The following TAOK3 variants were observed in gnomAD, a reference collection of about 807,000 sequenced individuals.
TAOK3 encodes the protein TAO kinase 3, also known as serine/threonine-protein kinase TAO3.
TAOK3 carries 40 observed loss-of-function variants against 120.4 expected under a neutral mutation model. The observed-to-expected ratio is 0.33, with a 90% CI of 0.26 to 0.43. The LOEUF is 0.43. Ranked by LOEUF, TAOK3 falls within the 20% of genes least tolerant of loss-of-function variation. The pLI is 1.00. For missense variants in TAOK3, 821 were observed against 1,112.1 expected, an observed-to-expected ratio of 0.74 and a Z score of 3.72; for synonymous variants, 355 against 387.5, an observed-to-expected ratio of 0.92 and a Z score of 0.99.
At chr12:118,280,201 C>T (rs1202116049) in intron 1 of TAOK3, among the ~76,000 whole-genome samples, 1 of 152,026 alleles carries the variant, frequency 6.6e-6, no homozygotes, top group Non-Finnish European at 1.5e-5. Context: ...GCTGGGACTA[C>T]AGGCGTGCGC....
At chr12:118,221,387 C>A (rs905260139) in intron 9 of TAOK3, among the ~76,000 whole-genome samples, 2 of 152,032 alleles carry the variant, frequency 1.3e-5, no homozygotes, top group Non-Finnish European at 2.9e-5. Flanking sequence ...CTGTGCCCAG[C>A]TAATTTTTGT....
At chr12:118,305,904 C>CA (rs71450271) in intron 1 of TAOK3, among the ~76,000 whole-genome samples, 3,045 of 56,836 alleles carry the variant, frequency 0.054, 62 homozygotes, top group Middle Eastern at 0.15. Context: ...GACTCCGTCT[C>CA]AAAAAAAAAA....
At chr12:118,320,044 G>A (rs549721159) in intron 1 of TAOK3, among the ~76,000 whole-genome samples, 1 of 152,306 alleles carries the variant, frequency 6.6e-6, no homozygotes, top group Admixed American at 6.5e-5. Context: ...AGTACTGATA[G>A]ATGTTACAGC....
chr12:118,349,834 T>C (rs1313753718), intron 1 of TAOK3, among the ~76,000 whole-genome samples: 2 of 152,176 alleles, frequency 1.3e-5, no homozygotes, highest in Non-Finnish European at 2.9e-5. Flanking sequence ...ATTTGTGGTA[T>C]AAAGGAAAAG....
At chr12:118,307,710 AT>A (rs2140800386) in intron 1 of TAOK3, among the ~76,000 whole-genome samples, 1 of 152,326 alleles carries the variant, frequency 6.6e-6, no homozygotes, top group South Asian at 2.1e-4. Context: ...GGTATCCTCT[AT>A]GAACTGTTAA....
intron 1 of TAOK3, among the ~76,000 whole-genome samples, chr12:118,313,132 G>C (rs2043321719): frequency 6.6e-6 from 1 of 152,052 alleles, no homozygotes; most frequent in Admixed American, 6.6e-5. Flanking sequence ...CATATATAAA[G>C]AGACAGCTAT....
At chr12:118,192,779 CTTAAGA>C (rs924479109) in intron 13 of TAOK3, among the ~76,000 whole-genome samples, 7 of 152,128 alleles carry the variant, frequency 4.6e-5, no homozygotes, top group Non-Finnish European at 7.3e-5. Flanking sequence ...CTGCACACAT[CTTAAGA>C]TTAACAATGG....
chr12:118,172,252 A>G (rs909198216), intron 17 of TAOK3, among the ~76,000 whole-genome samples: 1 of 152,148 alleles, frequency 6.6e-6, no homozygotes, highest in African/African-American at 2.4e-5. Flanking sequence ...GATGGAGTTG[A>G]TTCCTTGTTC....
intron 20 of TAOK3, among the ~76,000 whole-genome samples, chr12:118,151,929 T>G (rs1314432083): frequency 3.9e-5 from 6 of 152,188 alleles, no homozygotes; most frequent in Admixed American, 3.3e-4. Context: ...CACAGTACCT[T>G]TCAGGTGTCA....
At chr12:118,217,985 G>A (rs936248845) in intron 9 of TAOK3, among the ~76,000 whole-genome samples, 32 of 148,104 alleles carry the variant, frequency 2.2e-4, no homozygotes, top group African/African-American at 7.2e-4. Context: ...TCAGCCTCCC[G>A]AGTAGCTGGG....
At chr12:118,179,219 G>C (rs947813873) in intron 15 of TAOK3, among the ~76,000 whole-genome samples, 5 of 152,142 alleles carry the variant, frequency 3.3e-5, no homozygotes, top group Admixed American at 2.6e-4. Flanking sequence ...GAGAGACCAA[G>C]AGAGACAGAG....
chr12:118,285,852 C>T (rs1343140184), intron 1 of TAOK3, among the ~76,000 whole-genome samples: 1 of 152,108 alleles, frequency 6.6e-6, no homozygotes, highest in African/African-American at 2.4e-5. Flanking sequence ...AGAAATGAGA[C>T]ATCAATCAAC....
rs575277439 is a variant in TAOK3 at position 118,300,932 on chromosome 12, C to T, written c.-193-34173G>A. 3.5e-4 allele frequency among the ~76,000 whole-genome samples: 53 copies of T among 152,164 alleles called. 1 individual carries two copies. The South Asian group carries it at 7.1e-3, about 20-fold the overall frequency. Reference sequence around the variant, plus strand: ...CTGGGACTATAGGCATGTGCCACCACGCCCGGCTAATTTTTGTATTTTTAG... The same window carrying T: ...CTGGGACTATAGGCATGTGCCACCATGCCCGGCTAATTTTTGTATTTTTAG... On this transcript the variant is annotated intron_variant, in intron 1 of 20. Coordinates refer to ENST00000392533, the MANE Select transcript of TAOK3 (RefSeq NM_016281.4).
rs199850898 is a variant in TAOK3 at position 118,347,803 on chromosome 12, C to CT, written c.-194+24844dup. Among the ~76,000 whole-genome samples, 1,081 of 152,308 alleles carry CT rather than the reference C, an allele frequency of 7.1e-3. 7 individuals are homozygous for CT. The highest frequency in any genetic ancestry group is 0.017 in the Middle Eastern group (5 of 294). On this transcript the variant is annotated intron_variant, in intron 1 of 20. Transcript: ENST00000392533. ...CCCTCAATAAATCTCTCACAAGCTG[C>CT]TTTTCTCCTTTTCCATTGAGGCTGT... is the stretch of plus-strand genomic sequence containing the variant.
chr12:118,267,720 A>G (rs539064656), intron 1 of TAOK3, among the ~76,000 whole-genome samples: 2 of 151,142 alleles, frequency 1.3e-5, no homozygotes, highest in African/African-American at 4.8e-5. Flanking sequence ...CCCCGTCTCT[A>G]CTGAAAATAA....
intron 1 of TAOK3, among the ~76,000 whole-genome samples, chr12:118,318,473 G>C (rs932197382): frequency 2.0e-5 from 3 of 151,918 alleles, no homozygotes; most frequent in African/African-American, 7.3e-5. Flanking sequence ...TTAAATATAG[G>C]GACAAATCTG....
chr12:118,164,619 T>C (rs780244122), intron 17 of TAOK3, among the ~76,000 whole-genome samples: 16 of 151,960 alleles, frequency 1.1e-4, no homozygotes, highest in South Asian at 4.1e-4. Context: ...GGTTTCACCA[T>C]GTTGGCCAGG....
Position 118,250,468 on chromosome 12 carries a change from T to C in TAOK3, c.120+4980A>G, listed in dbSNP as rs1038678410. 2.0e-5 allele frequency among the ~76,000 whole-genome samples: 3 copies of C among 152,350 alleles called. No homozygotes were observed. The South Asian group carries it at 6.2e-4, about 32-fold the overall frequency. On this transcript the variant is annotated intron_variant, in intron 3 of 20. Transcript: ENST00000392533. ...TGACCTACAGAGGCTAACAGAATTATAGTGTTTAGGTATAAAAATACTAGC... is the reference window on the plus strand; with the variant it reads ...TGACCTACAGAGGCTAACAGAATTACAGTGTTTAGGTATAAAAATACTAGC...
chr12:118,350,898 G>T (rs1453796225), intron 1 of TAOK3, among the ~76,000 whole-genome samples: 4 of 150,006 alleles, frequency 2.7e-5, no homozygotes, highest in Admixed American at 2.7e-4. Context: ...AAAAAAAAAG[G>T]CCAGGTGTGG....
Sources: gnomAD v4.1 joint callset for allele counts (sites outside exome capture counted in the v4.1 genomes callset) on GRCh38, gnomAD v4.1.1 for gene constraint, MANE v1.5 for transcripts, NCBI Gene and HGNC (gene_info 2026-07-23, HGNC 2026-07-21) for gene names.